Variants in MAPK10 observed in about 807,000 individuals in gnomAD.
MAPK10 encodes JNK3 alpha protein kinase.
In MAPK10, 25 loss-of-function variants were observed where a neutral mutation model predicts 59.3. The observed-to-expected ratio is 0.42, with a 90% CI of 0.31 to 0.59. The LOEUF (loss-of-function observed/expected upper bound fraction) is 0.59. Ranked by LOEUF, MAPK10 falls within the 20% of genes least tolerant of loss-of-function variation. The pLI is 0.15. For missense variants in MAPK10, 351 were observed against 568.9 expected, an observed-to-expected ratio of 0.62 and a Z score of 3.90; for synonymous variants, 190 against 200.5, an observed-to-expected ratio of 0.95 and a Z score of 0.44.
rs535393194 is a variant in MAPK10 at position 86,038,788 on chromosome 4, A to C, written c.1111-7357T>G. Reference sequence around the variant, plus strand: ...ATGGAGCTCAGTATTTGTTTCACAAATAGTCTTACCAACAATCGCCAAAAT... The same window carrying C: ...ATGGAGCTCAGTATTTGTTTCACAACTAGTCTTACCAACAATCGCCAAAAT... On this transcript the variant is annotated intron_variant, in intron 11 of 13. Transcript: ENST00000641462. Among the ~76,000 whole-genome samples the C allele has an allele frequency of 3.2e-4, 48 of 152,340 alleles. 1 individual carries two copies. Among genetic ancestry groups the C allele is most frequent in the Non-Finnish European group, 4.6e-4 (31 of 68,028 alleles).
At chr4:86,286,840 T>C (rs1169650618) in intron 2 of MAPK10, among the ~76,000 whole-genome samples, 1 of 152,152 alleles carries the variant, frequency 6.6e-6, no homozygotes, top group Admixed American at 6.6e-5. Flanking sequence ...TGTTAGTTTG[T>C]TGATGATGCT....
At chr4:86,522,523 T>C (rs1337842573) in intron 1 of MAPK10, among the ~76,000 whole-genome samples, 1 of 152,136 alleles carries the variant, frequency 6.6e-6, no homozygotes, top group Non-Finnish European at 1.5e-5. Flanking sequence ...TTCAATTCTA[T>C]CCCGCTTCAT....
intron 1 of MAPK10, among the ~76,000 whole-genome samples, chr4:86,534,468 T>TA (rs1348770162): frequency 1.1e-4 from 16 of 152,280 alleles, no homozygotes; most frequent in African/African-American, 3.4e-4. Flanking sequence ...GTCTGAAGTT[T>TA]AATTAATAGT....
chr4:86,408,665 T>C (rs1744706011), intron 1 of MAPK10, among the ~76,000 whole-genome samples: 1 of 152,220 alleles, frequency 6.6e-6, no homozygotes, highest in South Asian at 2.1e-4. Context: ...TAATGAGCAT[T>C]TTTTCATGTG....
chr4:86,276,228 T>A (rs1216862867), intron 2 of MAPK10, among the ~76,000 whole-genome samples: 1 of 152,120 alleles, frequency 6.6e-6, no homozygotes, highest in Non-Finnish European at 1.5e-5. Context: ...CTCAAGATTA[T>A]CACACAATGT....
Position 86,107,226 on chromosome 4 carries a change from T to TTTATG in MAPK10, c.358_362dup (p.Lys121AsnfsTer9). 6.2e-7 allele frequency: 1 copy of TTTATG among 1,607,080 alleles called. No individual in the cohort carries two copies. The highest frequency in any genetic ancestry group is 8.5e-7 in the Non-Finnish European group (1 of 1,177,688). ...GTTTAAAAATAACAAAACTCACGTT[T>TTTATG]TTATGGTTCACACACTTCATGAGGA... is the stretch of plus-strand genomic sequence containing the variant. On this transcript the variant is annotated frameshift_variant, in exon 5 of 14. Transcript: ENST00000641462. LOFTEE classifies it high-confidence loss of function.
intron 1 of MAPK10, among the ~76,000 whole-genome samples, chr4:86,520,281 C>T (rs913102131): frequency 2.6e-5 from 4 of 152,100 alleles, no homozygotes; most frequent in Admixed American, 6.5e-5. Flanking sequence ...TTAACATAAT[C>T]CCAAATTTTT....
intron 1 of MAPK10, among the ~76,000 whole-genome samples, chr4:86,488,063 G>A (rs1754148939): frequency 6.6e-6 from 1 of 152,088 alleles, no homozygotes; most frequent in Non-Finnish European, 1.5e-5. Context: ...GAGAGAATGA[G>A]GCAAGTTTTT....
chr4:86,012,277 C>T lies in MAPK10; in HGVS notation c.*4951G>A, dbSNP rs776243876. On this transcript the variant is annotated 3_prime_UTR_variant, in exon 14 of 14. Coordinates refer to ENST00000641462, the MANE Select transcript of MAPK10 (RefSeq NM_138982.4). ...TCACATTCATATCACACACTCTTGA[C>T]CCAAGGTGAGAAAGTAGGTCATTCC... 1 of 152,174 alleles carries T rather than the reference C, an allele frequency of 6.6e-6. No individual in the cohort carries two copies. Among genetic ancestry groups the T allele is most frequent in the Non-Finnish European group, 1.5e-5 (1 of 68,024 alleles). The allele number at this position is 152,174 out of a possible 1,614,324, so 9.4% of individuals were successfully genotyped here.
chr4:86,410,384 CAG>C (rs1275047191), intron 1 of MAPK10, among the ~76,000 whole-genome samples: 1 of 152,164 alleles, frequency 6.6e-6, no homozygotes, highest in African/African-American at 2.4e-5. Flanking sequence ...GTGTCTCTGC[CAG>C]ACTTTTGTAT....
intron 1 of MAPK10, among the ~76,000 whole-genome samples, chr4:86,584,203 G>A (rs1762505915): frequency 6.6e-6 from 1 of 152,154 alleles, no homozygotes. Flanking sequence ...GTTAAGCCCA[G>A]CCCAGCTCTA....
At chr4:86,267,645 T>C (rs928000233) in intron 2 of MAPK10, among the ~76,000 whole-genome samples, 4 of 152,118 alleles carry the variant, frequency 2.6e-5, no homozygotes, top group African/African-American at 9.7e-5. Context: ...GTTCCTCCAA[T>C]AAGTCAAACA....
At position 86,013,435 on chromosome 4, in the gene MAPK10, G is replaced by C. The variant is rs948503301; in HGVS notation, c.*3793C>G. 1 of 152,168 alleles carries C rather than the reference G, an allele frequency of 6.6e-6. No homozygotes were observed. The highest frequency in any genetic ancestry group is 1.5e-5 in the Non-Finnish European group (1 of 68,028). The allele number at this position is 152,168 out of a possible 1,614,324, so 9.4% of individuals were successfully genotyped here. A position where few individuals can be genotyped will look rare whatever the true frequency, so the allele number is the denominator to read the frequency against. On this transcript the variant is annotated 3_prime_UTR_variant, in exon 14 of 14. Coordinates refer to ENST00000641462, the MANE Select transcript of MAPK10 (RefSeq NM_138982.4). ...ATTTTACTCCTCTTTCTGAGCTGTA[G>C]AAGAATACATTTTTCAGCAAAGCTG...
At chr4:86,094,296 G>A (rs1043310008) in intron 9 of MAPK10, among the ~76,000 whole-genome samples, 5 of 151,794 alleles carry the variant, frequency 3.3e-5, no homozygotes, top group African/African-American at 1.2e-4. Flanking sequence ...TTAATAACTT[G>A]GCTCCTTGGC....
chr4:86,543,237 C>A (rs1758871905), intron 1 of MAPK10, among the ~76,000 whole-genome samples: 1 of 152,154 alleles, frequency 6.6e-6, no homozygotes, highest in Non-Finnish European at 1.5e-5. Flanking sequence ...ATAGGAATAA[C>A]AGAGACCAAA....
At chr4:86,058,587 A>G (rs1181964032) in intron 11 of MAPK10, among the ~76,000 whole-genome samples, 1 of 149,368 alleles carries the variant, frequency 6.7e-6, no homozygotes, top group African/African-American at 2.5e-5. Context: ...GCTCCAGTAA[A>G]TCGCCCCCTA....
chr4:86,245,522 T>G (rs144513693), intron 2 of MAPK10, among the ~76,000 whole-genome samples: 1 of 152,246 alleles, frequency 6.6e-6, no homozygotes, highest in Non-Finnish European at 1.5e-5. Context: ...TTAATAGAGA[T>G]AAGTTCTCAC....
In MAPK10 at chr4:86,341,820, G is replaced by GAAA. The variant is rs71657572; in HGVS notation, c.-7+12707_-7+12709dup. ...ATGGTAATAAAAATTGACCAAAAAA[G>GAAA]AAAAAAAAAAAAAACACCGGCAGCT... On this transcript the variant is annotated intron_variant, in intron 2 of 13. Transcript: ENST00000641462. 1.2e-3 allele frequency among the ~76,000 whole-genome samples: 168 copies of GAAA among 140,932 alleles called. 2 individuals are homozygous for GAAA. Among genetic ancestry groups the GAAA allele is most frequent in the South Asian group, 2.4e-3 (11 of 4,526 alleles). The allele number at this position is 140,932 out of a possible 152,430, so 92.5% of individuals were successfully genotyped here.
rs139892690 is a variant in MAPK10, at chr4:86,167,943, T to C, written c.67-8476A>G. The stretch of plus-strand genomic sequence containing the variant: ...GGAAAAGAGGAAGGCAAATTGTCTC[T>C]GTTTGCAGATGACATGATCCTATAT... On this transcript the variant is annotated intron_variant, in intron 3 of 13. Coordinates refer to ENST00000641462, the MANE Select transcript of MAPK10 (RefSeq NM_138982.4). Among the ~76,000 whole-genome samples the C allele has an allele frequency of 2.9e-3, 439 of 152,324 alleles. 3 individuals carry two copies. The highest frequency in any genetic ancestry group is 7.6e-3 in the African/African-American group (314 of 41,554).
Sources: gnomAD v4.1 joint callset for allele counts (sites outside exome capture counted in the v4.1 genomes callset) on GRCh38, gnomAD v4.1.1 for gene constraint, MANE v1.5 for transcripts, NCBI Gene and HGNC (gene_info 2026-07-23, HGNC 2026-07-21) for gene names.